The following MAML3 variants were observed in gnomAD, a reference collection of about 807,000 sequenced individuals.
MAML3 encodes mastermind-like protein 3.
A neutral mutation model predicts 101.9 loss-of-function variants in MAML3; 27 were observed. The observed-to-expected ratio is 0.27, with a 90% CI of 0.20 to 0.37. The LOEUF is 0.37. MAML3 is among the 10% of genes least tolerant of loss of function. MAML3 has a pLI of 1.00. For missense variants in MAML3, 1,316 were observed against 1,444.9 expected (o/e 0.91, Z 1.45); for synonymous variants, 501 against 555.9 (o/e 0.90, Z 1.39).
intron 1 of MAML3, among the ~76,000 whole-genome samples, chr4:140,059,095 T>C (rs1053621483): frequency 6.6e-6 from 1 of 152,348 alleles, no homozygotes; most frequent in African/African-American, 2.4e-5. Context: ...CAGTGCTTTC[T>C]AGGACAACTC....
chr4:139,774,537 G>A (rs1730057235), intron 2 of MAML3, among the ~76,000 whole-genome samples: 1 of 152,200 alleles, frequency 6.6e-6, no homozygotes, highest in Non-Finnish European at 1.5e-5. Context: ...ATTTTAGGAA[G>A]CCCTAGTATT....
At chr4:139,756,110 A>G (rs1014905891) in intron 2 of MAML3, among the ~76,000 whole-genome samples, 1 of 152,208 alleles carries the variant, frequency 6.6e-6, no homozygotes, top group East Asian at 1.9e-4. Context: ...CAGAGTATTC[A>G]TGAACATACT....
chr4:139,732,554 G>A (rs1221703970), intron 2 of MAML3, among the ~76,000 whole-genome samples: 1 of 146,524 alleles, frequency 6.8e-6, no homozygotes, highest in Non-Finnish European at 1.5e-5. Flanking sequence ...GGAAGACACA[G>A]AACTAGCAGA....
intron 2 of MAML3, among the ~76,000 whole-genome samples, chr4:139,840,146 T>C (rs933639241): frequency 1.3e-5 from 2 of 152,186 alleles, no homozygotes; most frequent in African/African-American, 2.4e-5. Context: ...TGCAATGACA[T>C]ATAAACCACA....
intron 2 of MAML3, among the ~76,000 whole-genome samples, chr4:139,812,254 A>T (rs1174998214): frequency 6.6e-6 from 1 of 152,234 alleles, no homozygotes; most frequent in East Asian, 1.9e-4. Flanking sequence ...CTCAAAAAAA[A>T]GAAAATCTTA....
Position 139,983,229 on chromosome 4 carries a change from C to T in MAML3, c.469-92262G>A, listed in dbSNP as rs574784326. Among the ~76,000 whole-genome samples the T allele has an allele frequency of 2.5e-4, 38 of 152,282 alleles. No homozygotes were observed. The South Asian group carries it at 4.4e-3, about 17-fold the overall frequency. On this transcript the variant is annotated intron_variant, in intron 1 of 4. Transcript: ENST00000509479. ...GCGTTATACAGAGTATATCCACCAC[C>T]CTAAAACATCCCTGTGCTTCGCCTA...
intron 2 of MAML3, among the ~76,000 whole-genome samples, chr4:139,771,992 C>A (rs776315998): frequency 1.3e-5 from 2 of 150,946 alleles, no homozygotes; most frequent in Non-Finnish European, 3.0e-5. Flanking sequence ...GTAATCCCAG[C>A]ACTTTGGGAG....
intron 1 of MAML3, among the ~76,000 whole-genome samples, chr4:139,898,646 T>C (rs1314859880): frequency 6.6e-6 from 1 of 152,210 alleles, no homozygotes; most frequent in Non-Finnish European, 1.5e-5. Flanking sequence ...ATGCTATAAC[T>C]AGTTTAGAGG....
intron 1 of MAML3, among the ~76,000 whole-genome samples, chr4:139,914,895 A>C (rs1732999003): frequency 6.6e-6 from 1 of 152,196 alleles, no homozygotes; most frequent in African/African-American, 2.4e-5. Context: ...GGAGTGGATA[A>C]CCCAATTTCC....
chr4:140,042,511 G>A (rs1450399230), intron 1 of MAML3, among the ~76,000 whole-genome samples: 1 of 152,164 alleles, frequency 6.6e-6, no homozygotes, highest in Non-Finnish European at 1.5e-5. Flanking sequence ...GCAGGCACCT[G>A]TAGTCCCAGC....
At chr4:139,734,717 A>G (rs1485939289) in intron 2 of MAML3, among the ~76,000 whole-genome samples, 1 of 152,270 alleles carries the variant, frequency 6.6e-6, no homozygotes, top group East Asian at 1.9e-4. Context: ...CCAGCTGTTT[A>G]TTTATAAATC....
chr4:140,124,315 T>C (rs1411554894), intron 1 of MAML3, among the ~76,000 whole-genome samples: 1 of 152,288 alleles, frequency 6.6e-6, no homozygotes, highest in East Asian at 1.9e-4. Flanking sequence ...TTGCCCAAGA[T>C]ACAACCTTCT....
chr4:139,737,345 G>A (rs35408432), intron 2 of MAML3, among the ~76,000 whole-genome samples: 62,315 of 146,214 alleles, frequency 0.43, 13,806 homozygotes, highest in South Asian at 0.59. Flanking sequence ...ATTTCTGAGA[G>A]GTTAAGGAAC....
intron 1 of MAML3, among the ~76,000 whole-genome samples, chr4:139,992,887 C>T (rs1363423266): frequency 6.6e-6 from 1 of 152,168 alleles, no homozygotes; most frequent in East Asian, 1.9e-4. Flanking sequence ...ACAGCCATTC[C>T]AGTGGTGTGA....
At chr4:139,846,789 A>G (rs1731459527) in intron 2 of MAML3, among the ~76,000 whole-genome samples, 1 of 152,202 alleles carries the variant, frequency 6.6e-6, no homozygotes, top group South Asian at 2.1e-4. Context: ...TCAAATACCT[A>G]TTGCATGGCT....
At chr4:139,962,195 C>G (rs1042024885) in intron 1 of MAML3, among the ~76,000 whole-genome samples, 1 of 151,902 alleles carries the variant, frequency 6.6e-6, no homozygotes, top group Non-Finnish European at 1.5e-5. Context: ...AAACCTATAA[C>G]TTTCTCTGTC....
In MAML3 at chr4:140,153,310, G is replaced by A. The variant is rs1242958747; in HGVS notation, c.18C>T (p.Ala6=). 1.3e-5 allele frequency: 21 copies of A among 1,594,866 alleles called. No homozygotes were observed. Among genetic ancestry groups the A allele is most frequent in the Non-Finnish European group, 1.8e-5 (21 of 1,169,484 alleles). MGDFA[A]PAAAANGSSI... ...TACTGCCATTCGCGGCAGCAGCGGG[G>A]GCTGCGAAATCCCCCATCCTGCTCC... The change falls in exon 1 of 5, where the codon GCC becomes GCT. Residue 6 remains alanine (A), a synonymous_variant. Transcript: ENST00000509479.
At chr4:140,117,945 T>C (rs979134577) in intron 1 of MAML3, among the ~76,000 whole-genome samples, 5 of 151,932 alleles carry the variant, frequency 3.3e-5, no homozygotes, top group Non-Finnish European at 5.9e-5. Context: ...TTTTTAAGGA[T>C]TTTCACAGAT....
At chr4:140,148,383 A>G (rs1183710732) in intron 1 of MAML3, among the ~76,000 whole-genome samples, 2 of 152,258 alleles carry the variant, frequency 1.3e-5, no homozygotes, top group Non-Finnish European at 2.9e-5. Flanking sequence ...TAATAGAATT[A>G]AACATGTATT....
Sources: allele counts gnomAD v4.1 joint callset (sites outside exome capture counted in the v4.1 genomes callset), GRCh38; gene constraint gnomAD v4.1.1; transcripts MANE v1.5; gene names NCBI Gene and HGNC (gene_info 2026-07-23, HGNC 2026-07-21).